The following NDRG3 variants were observed in gnomAD, a reference collection of about 807,000 sequenced individuals.
NDRG3 encodes NDRG family member 3, also known as protein NDRG3.
NDRG3 carries 23 observed loss-of-function variants against 57.2 expected under a neutral mutation model. The observed-to-expected ratio is 0.40, with a 90% CI of 0.29 to 0.57. The LOEUF is 0.57. Ranked by LOEUF, NDRG3 falls within the 20% of genes least tolerant of loss-of-function variation. NDRG3 has a pLI of 0.42. For missense variants in NDRG3, 384 were observed against 457.3 expected (o/e 0.84, Z 1.46); for synonymous variants, 132 against 162.6 (o/e 0.81, Z 1.43).
intron 12 of NDRG3, among the ~76,000 whole-genome samples, chr20:36,661,645 C>T (rs1430017019): frequency 6.6e-6 from 1 of 152,104 alleles, no homozygotes; most frequent in African/African-American, 2.4e-5. Flanking sequence ...GGCTACCGAG[C>T]CAAGTGTGAG....
intron 1 of NDRG3, among the ~76,000 whole-genome samples, chr20:36,740,993 G>A (rs746899789): frequency 2.0e-5 from 3 of 151,634 alleles, no homozygotes; most frequent in Non-Finnish European, 2.9e-5. Flanking sequence ...AAAGAAAGGT[G>A]GGGGGGGAAT....
rs191024647 is a variant in NDRG3, at chr20:36,674,494, C to T, written c.532-3097G>A. On this transcript the variant is annotated intron_variant, in intron 8 of 15. Coordinates refer to ENST00000349004, the MANE Select transcript of NDRG3 (RefSeq NM_032013.4). ...CTAGGATTACAGGTGTGAGCCACCA[C>T]GCCCAGCCCTCTTTAAGTCTTTTTA... 4.4e-3 allele frequency among the ~76,000 whole-genome samples: 668 copies of T among 151,186 alleles called. 7 individuals are homozygous for T. The highest frequency in any genetic ancestry group is 0.015 in the African/African-American group (630 of 41,192).
chr20:36,686,711 C>G (rs1227356941), intron 5 of NDRG3, among the ~76,000 whole-genome samples: 1 of 152,214 alleles, frequency 6.6e-6, no homozygotes, highest in African/African-American at 2.4e-5. Flanking sequence ...ACACCTCTAT[C>G]TGCCAGGACA....
Position 36,680,801 on chromosome 20 carries a change from T to C in NDRG3, c.531+15A>G. On this transcript the variant is annotated intron_variant, in intron 8 of 15. Transcript: ENST00000349004. ...GGCCAAGATAAGCCGATGGACACCT[T>C]CATGTGGTACTTACTTTGGAAGCTG... The C allele has an allele frequency of 6.2e-7, 1 of 1,611,290 alleles. No homozygotes were observed. Among genetic ancestry groups the C allele is most frequent in the Non-Finnish European group, 8.5e-7 (1 of 1,177,432 alleles).
chr20:36,723,716 T>G (rs1331354505), intron 1 of NDRG3, among the ~76,000 whole-genome samples: 3 of 149,662 alleles, frequency 2.0e-5, no homozygotes, highest in Non-Finnish European at 4.5e-5. Context: ...TTTTTGTTTT[T>G]TTTTTTTTGA....
intron 2 of NDRG3, among the ~76,000 whole-genome samples, chr20:36,707,832 C>T (rs1286092355): frequency 2.0e-5 from 3 of 152,076 alleles, no homozygotes; most frequent in Non-Finnish European, 4.4e-5. Context: ...ACCTGTAATC[C>T]CAGTATTTTG....
At chr20:36,742,702 T>C (rs942501623) in intron 1 of NDRG3, among the ~76,000 whole-genome samples, 9 of 152,218 alleles carry the variant, frequency 5.9e-5, no homozygotes, top group African/African-American at 2.2e-4. Context: ...AATATGGGAA[T>C]GTTTAGACTT....
chr20:36,658,234 C>T (rs1362856550), intron 13 of NDRG3, among the ~76,000 whole-genome samples: 1 of 152,160 alleles, frequency 6.6e-6, no homozygotes, highest in African/African-American at 2.4e-5. Context: ...CAGGTTCAAG[C>T]GATTCTCCTG....
chr20:36,724,527 T>C (rs1984802105), intron 1 of NDRG3, among the ~76,000 whole-genome samples: 1 of 152,226 alleles, frequency 6.6e-6, no homozygotes, highest in Admixed American at 6.5e-5. Flanking sequence ...CTTAAAATAT[T>C]GGCCTAACTG....
Position 36,666,342 on chromosome 20 carries a change from A to G in NDRG3, c.639T>C (p.Ile213=). 6.2e-7 allele frequency: 1 copy of G among 1,614,192 alleles called. No individual in the cohort carries two copies. The highest frequency in any genetic ancestry group is 1.3e-5 in the African/African-American group (1 of 75,054). ...GGTTGTCTTGGTTGATGTCTTGGGC[A>G]ATATGCATTCTGTAGGTTTGGATCA... The part of the protein sequence containing the change: ...LDLIQTYRMH[I]AQDINQDNLQ... Residue 213 remains isoleucine, a synonymous_variant, in exon 10 of 16, where the codon ATT becomes ATC. Transcript: ENST00000349004.
At chr20:36,711,760 A>C (rs1983894306) in intron 2 of NDRG3, among the ~76,000 whole-genome samples, 1 of 152,166 alleles carries the variant, frequency 6.6e-6, no homozygotes, top group South Asian at 2.1e-4. Context: ...TAACTGAGTG[A>C]AGACTATTTA....
At chr20:36,688,237 A>G (rs1256942805) in intron 4 of NDRG3, among the ~76,000 whole-genome samples, 1 of 152,268 alleles carries the variant, frequency 6.6e-6, no homozygotes, top group Non-Finnish European at 1.5e-5. Flanking sequence ...GGCTGGGGCC[A>G]GAATCTTACA....
In NDRG3 at chr20:36,696,853, T is replaced by C. The variant is rs868731320; in HGVS notation, c.94-8069A>G. Among the ~76,000 whole-genome samples the C allele has an allele frequency of 5.1e-4, 77 of 152,236 alleles. 1 individual carries two copies. The highest frequency in any genetic ancestry group is 3.9e-4 in the Admixed American group (6 of 15,278). ...ATGATGTAATCCTTCCGGACTTTTA[T>C]GATGTTCCATCTATTGGGATTCTCT... On this transcript the variant is annotated intron_variant, in intron 3 of 15. Transcript: ENST00000349004.
intron 3 of NDRG3, among the ~76,000 whole-genome samples, chr20:36,690,878 A>G (rs575565570): frequency 1.7e-4 from 25 of 150,492 alleles, no homozygotes; most frequent in Non-Finnish European, 2.4e-4. Flanking sequence ...GAACTGAATA[A>G]AGCAGACAAA....
intron 2 of NDRG3, among the ~76,000 whole-genome samples, chr20:36,708,199 A>G (rs1017448147): frequency 2.6e-5 from 4 of 152,186 alleles, no homozygotes; most frequent in Non-Finnish European, 5.9e-5. Context: ...CATTATGTAG[A>G]AACTGATTTA....
At chr20:36,676,941 C>G (rs944237658) in intron 8 of NDRG3, among the ~76,000 whole-genome samples, 2 of 152,236 alleles carry the variant, frequency 1.3e-5, no homozygotes, top group African/African-American at 4.8e-5. Context: ...GCAGGATCCC[C>G]GCCCTCCTGG....
chr20:36,683,365 G>T (rs1193160763), intron 6 of NDRG3, among the ~76,000 whole-genome samples: 1 of 152,056 alleles, frequency 6.6e-6, no homozygotes, highest in Non-Finnish European at 1.5e-5. Flanking sequence ...TATGATCCCA[G>T]GACTTTGAGA....
intron 3 of NDRG3, among the ~76,000 whole-genome samples, chr20:36,689,783 C>T (rs1421983868): frequency 1.3e-5 from 2 of 148,520 alleles, no homozygotes; most frequent in African/African-American, 2.5e-5. Context: ...TGCAGTGGCG[C>T]GATCTCGGCT....
intron 2 of NDRG3, among the ~76,000 whole-genome samples, chr20:36,710,055 C>T (rs1983775483): frequency 6.6e-6 from 1 of 152,206 alleles, no homozygotes; most frequent in African/African-American, 2.4e-5. Flanking sequence ...CACAGTGGCT[C>T]ATGCCTATAA....
Sources: allele counts gnomAD v4.1 joint callset (sites outside exome capture counted in the v4.1 genomes callset), GRCh38; gene constraint gnomAD v4.1.1; transcripts MANE v1.5; gene names NCBI Gene and HGNC (gene_info 2026-07-23, HGNC 2026-07-21).